LRRK1: variants seen among roughly 807,000 people sequenced by gnomAD.
LRRK1 encodes the protein leucine rich repeat kinase 1.
A neutral mutation model predicts 209.1 loss-of-function variants in LRRK1; 113 were observed. That is an observed-to-expected ratio of 0.54 (90% CI 0.46 to 0.63). LRRK1 has a LOEUF of 0.63. Ranked by LOEUF, LRRK1 falls within the 30% of genes least tolerant of loss-of-function variation. The probability of loss-of-function intolerance (pLI) is 0.00; values close to 1 mark genes in which losing one functional copy is unlikely to be tolerated. For synonymous variants in LRRK1, 1,144 were observed against 1,099.7 expected (o/e 1.04, Z -0.80); for missense variants, 2,284 against 2,632.2 (o/e 0.87, Z 2.89).
chr15:101,064,770 T>A (rs2036426915), intron 31 of LRRK1: 1 of 154,540 alleles, frequency 6.5e-6, no homozygotes, highest in Non-Finnish European at 1.4e-5. Context: ...CCAGGTGGAG[T>A]CACAGGGCCA....
intron 2 of LRRK1, among the ~76,000 whole-genome samples, chr15:100,950,382 T>C (rs12899743): frequency 0.096 from 14,684 of 152,260 alleles, 814 homozygotes; most frequent in Non-Finnish European, 0.13. Flanking sequence ...TATTCATGGA[T>C]TGGAAGACTT....
chr15:100,950,198 TATCACTTAACA>T (rs1282498270), intron 2 of LRRK1, among the ~76,000 whole-genome samples: 1 of 151,208 alleles, frequency 6.6e-6, no homozygotes, highest in Non-Finnish European at 1.5e-5. Context: ...TTGTATGAAT[TATCACTTAACA>T]ATCTGAAAAT....
At chr15:101,013,829 G>A (rs1051450786) in intron 10 of LRRK1, among the ~76,000 whole-genome samples, 2 of 151,984 alleles carry the variant, frequency 1.3e-5, no homozygotes, top group Non-Finnish European at 2.9e-5. Context: ...CATGCGGCTA[G>A]GACAGTTACC....
Position 100,924,694 on chromosome 15 carries a change from C to T in LRRK1, c.62C>T (p.Ala21Val), listed in dbSNP as rs2042078545. The T allele has an allele frequency of 1.2e-6, 2 of 1,614,150 alleles. No homozygotes were observed. The highest frequency in any genetic ancestry group is 1.7e-6 in the Non-Finnish European group (2 of 1,180,024). ...TGGTGTGTGGGGCCGGAGGAGTCAG[C>T]TGTGTGTCCAGAACGTGCCATGGAG... ...MYWCVGPEES[A>V]VCPERAMETL... Residue 21 changes from alanine to valine, a missense_variant, in exon 2 of 34, where the codon GCT (alanine) becomes GTT (valine). Ala to Val is a moderately conservative substitution (Grantham distance 64, BLOSUM62 0). Around this residue, in one of 6 missense-constraint regions of LRRK1, gnomAD observed 174 missense variants for 133.5 expected, o/e 1.30. Coordinates refer to ENST00000388948, the MANE Select transcript of LRRK1 (RefSeq NM_024652.6).
intron 2 of LRRK1, among the ~76,000 whole-genome samples, chr15:100,972,953 A>G (rs531150023): frequency 1.2e-4 from 18 of 144,814 alleles, no homozygotes; most frequent in African/African-American, 4.4e-4. Context: ...TTTGTGTACA[A>G]TTTTAGGGTG....
rs1324477680 is a variant in LRRK1 at position 101,057,051 on chromosome 15, G to GTACT, written c.4527+3_4527+6dup. Reference sequence around the variant, plus strand: ...GTGCTGGGACACTAAGCCAGAGAAGGTACTTGGGGACACAGAGCCCAGGGC... The same window carrying GTACT: ...GTGCTGGGACACTAAGCCAGAGAAGGTACTTACTTGGGGACACAGAGCCCAGGGC... On this transcript the variant is annotated splice_donor_variant, in intron 28 of 33. Coordinates refer to ENST00000388948, the MANE Select transcript of LRRK1 (RefSeq NM_024652.6). LOFTEE classifies it high-confidence loss of function. The GTACT allele has an allele frequency of 3.1e-6, 5 of 1,597,440 alleles. No homozygotes were observed. The highest frequency in any genetic ancestry group is 4.3e-6 in the Non-Finnish European group (5 of 1,171,096).
chr15:101,060,378 T>C (rs1194932338), intron 29 of LRRK1, among the ~76,000 whole-genome samples: 2 of 152,212 alleles, frequency 1.3e-5, no homozygotes, highest in African/African-American at 4.8e-5. Flanking sequence ...TAGTTTTGTT[T>C]TTCTGATGCA....
At chr15:101,011,526 A>C (rs2033242406) in intron 9 of LRRK1, among the ~76,000 whole-genome samples, 1 of 151,864 alleles carries the variant, frequency 6.6e-6, no homozygotes, top group Admixed American at 6.6e-5. Flanking sequence ...TGCTGATTAA[A>C]TGCTGTTTTT....
intron 20 of LRRK1, among the ~76,000 whole-genome samples, chr15:101,032,826 T>G (rs2034340643): frequency 6.6e-6 from 1 of 152,262 alleles, no homozygotes; most frequent in Non-Finnish European, 1.5e-5. Flanking sequence ...ATTTCAGGAC[T>G]CTATTTTGTT....
Position 101,065,485 on chromosome 15 carries a change from A to G in LRRK1, c.5048A>G (p.Asp1683Gly). Residue 1683 changes from aspartate (D) to glycine (G), a missense_variant, in exon 32 of 34, where the codon GAT becomes GGT. This residue lies in a region of LRRK1 where 643 missense variants were observed against 695.9 expected (regional missense o/e 0.92). Coordinates refer to ENST00000388948, the MANE Select transcript of LRRK1 (RefSeq NM_024652.6). ...AACAGGTCCAAGTTCAGCATCGCGGATGAAGACGCACGGCAGAACCCCTAC... is the reference window on the plus strand; with the variant it reads ...AACAGGTCCAAGTTCAGCATCGCGGGTGAAGACGCACGGCAGAACCCCTAC... ...TANRSKFSIADEDARQNPYPV... is the reference protein window; with the variant it reads ...TANRSKFSIAGEDARQNPYPV... 6.2e-7 allele frequency: 1 copy of G among 1,614,226 alleles called. No homozygotes were observed. Among genetic ancestry groups the G allele is most frequent in the Admixed American group, 1.7e-5 (1 of 60,034 alleles).
intron 2 of LRRK1, among the ~76,000 whole-genome samples, chr15:100,928,951 C>T (rs1443331465): frequency 2.0e-5 from 3 of 152,124 alleles, no homozygotes; most frequent in East Asian, 1.9e-4. Flanking sequence ...GCAGTCAGCT[C>T]GCCTGCGGTG....
At position 101,076,128 on chromosome 15, in the gene LRRK1, T is replaced by C. The variant is rs375513865; in HGVS notation, c.*7280T>C. On this transcript the variant is annotated 3_prime_UTR_variant, in exon 34 of 34. Transcript: ENST00000388948. ...ACACAAGAGCCAGGACCGCACCCTG[T>C]AGACCTTCTGTCCAAACAACTTGAC... The C allele has an allele frequency of 1.2e-4, 19 of 152,334 alleles. 1 individual carries two copies. The highest frequency in any genetic ancestry group is 6.5e-4 in the Admixed American group (10 of 15,298). 9.4% of individuals were successfully genotyped at this position (152,334 alleles called of 1,614,324 possible).
At position 101,049,668 on chromosome 15, in the gene LRRK1, G is replaced by GA. The variant is rs1377658605; in HGVS notation, c.3329dup (p.Lys1111GlufsTer32). ...GTGTGGAATCTTCCGACGTGAACTG[G>GA]AAAAAGAAGAAAAGCGGAGGAATGA... On this transcript the variant is annotated frameshift_variant, in exon 23 of 34. Transcript: ENST00000388948. LOFTEE classifies it high-confidence loss of function. The GA allele has an allele frequency of 6.2e-7, 1 of 1,614,086 alleles. No individual in the cohort carries two copies. The highest frequency in any genetic ancestry group is 1.1e-5 in the South Asian group (1 of 91,066).
chr15:101,015,483 C>T, intron 12 of LRRK1, 81 bp downstream of exon 12: 2 of 1,084,366 alleles, frequency 1.8e-6, no homozygotes, highest in Non-Finnish European at 2.8e-6. Flanking sequence ...GTGGGGATCG[C>T]CCTTATCTTG....
intron 17 of LRRK1, among the ~76,000 whole-genome samples, chr15:101,026,424 C>A (rs918134049): frequency 1.3e-5 from 2 of 152,234 alleles, no homozygotes; most frequent in Non-Finnish European, 2.9e-5. Flanking sequence ...GGAGACTGAA[C>A]GTGGGCACCA....
chr15:100,934,313 T>A (rs2042256472), intron 2 of LRRK1, among the ~76,000 whole-genome samples: 2 of 152,236 alleles, frequency 1.3e-5, no homozygotes, highest in South Asian at 4.1e-4. Flanking sequence ...TTTAATGACC[T>A]CTGCATTCTC....
At chr15:101,047,344 T>G (rs2035140097) in intron 21 of LRRK1, among the ~76,000 whole-genome samples, 1 of 152,200 alleles carries the variant, frequency 6.6e-6, no homozygotes, top group Admixed American at 6.5e-5. Context: ...GTGCACTGAT[T>G]GAAGGAGTGG....
At chr15:100,985,762 G>A (rs1362980946) in intron 4 of LRRK1, among the ~76,000 whole-genome samples, 1 of 152,254 alleles carries the variant, frequency 6.6e-6, no homozygotes, top group Non-Finnish European at 1.5e-5. Flanking sequence ...AGGACTGAAG[G>A]ATTTCAGACC....
At position 101,026,130 on chromosome 15, in the gene LRRK1, C is replaced by T. The variant is rs780703616; in HGVS notation, c.2398C>T (p.His800Tyr). ...AGGCTTCCCAGACATCACCTTCAAA[C>T]ACTTACAGTGAGTGCCCAGCCTCGG... ...ATGFPDITFK[H>Y]LHEISCKSLE... The change falls in exon 17 of 34, where the codon CAC (histidine) becomes TAC (tyrosine). Residue 800 changes from histidine to tyrosine, a missense_variant. This residue lies in a region of LRRK1 where 780 missense variants were observed against 985.2 expected (regional missense o/e 0.79). Transcript: ENST00000388948. 3 of 1,614,206 alleles carry T rather than the reference C, an allele frequency of 1.9e-6. No homozygotes were observed.
Sources: allele counts gnomAD v4.1 joint callset (sites outside exome capture counted in the v4.1 genomes callset), GRCh38; gene constraint gnomAD v4.1.1; regional missense constraint gnomAD v4.1.1; transcripts MANE v1.5; gene names NCBI Gene and HGNC (gene_info 2026-07-23, HGNC 2026-07-21).